NDEL1: variants seen among roughly 807,000 people sequenced by gnomAD.
NDEL1 encodes nuclear distribution protein nudE-like 1.
NDEL1 carries 9 observed loss-of-function variants against 45.7 expected under a neutral mutation model. The ratio of observed to expected loss-of-function variants is 0.20; its 90% confidence interval spans 0.12 to 0.34. The LOEUF is 0.34. Among genes scored for constraint, NDEL1 ranks in the 10% least tolerant of loss-of-function variants. NDEL1 has a pLI of 1.00. For synonymous variants in NDEL1, 133 were observed against 158.6 expected (o/e 0.84, Z 1.21); for missense variants, 306 against 406.2 (o/e 0.75, Z 2.12).
chr17:8,416,172 A>G (rs1908542485), intron 1 of NDEL1, among the ~76,000 whole-genome samples: 1 of 152,120 alleles, frequency 6.6e-6, no homozygotes, highest in African/African-American at 2.4e-5. Flanking sequence ...TGTACCCATT[A>G]AGCACTGAAT....
chr17:8,460,981 C>T (rs1320848848), intron 8 of NDEL1, among the ~76,000 whole-genome samples: 2 of 151,930 alleles, frequency 1.3e-5, no homozygotes, highest in East Asian at 3.9e-4. Context: ...TATGAGTATG[C>T]CTTAATATAG....
Position 8,436,000 on chromosome 17 carries a change from G to A in NDEL1, c.-58G>A. Reference sequence around the variant, plus strand: ...GGCCTGGCCGGGCCGGCGGAGGGGAGACGTCGGTTGAGCGGCGGCGAACAT... The same window carrying A: ...GGCCTGGCCGGGCCGGCGGAGGGGAAACGTCGGTTGAGCGGCGGCGAACAT... On this transcript the variant is annotated 5_prime_UTR_variant, in exon 1 of 9. Transcript: ENST00000334527. The A allele has an allele frequency of 2.2e-6, 1 of 447,958 alleles. No individual in the cohort carries two copies. Among genetic ancestry groups the A allele is most frequent in the Non-Finnish European group, 4.5e-6 (1 of 223,846 alleles). The allele number at this position is 447,958 out of a possible 1,614,324, so 27.7% of individuals were successfully genotyped here.
downstream of NDEL1, among the ~76,000 whole-genome samples, chr17:8,468,788 A>G (rs1207794129): frequency 6.6e-6 from 1 of 152,198 alleles, no homozygotes; most frequent in Non-Finnish European, 1.5e-5. Context: ...GGCGGATCAC[A>G]AGGTCAGGAG....
chr17:8,444,507 G>T (rs1019388166), intron 2 of NDEL1, 150 bp downstream of exon 2: 2 of 595,288 alleles, frequency 3.4e-6, no homozygotes, highest in South Asian at 4.2e-5. Context: ...CACCACATGG[G>T]TTGTATTTAA....
chr17:8,440,581 T>C (rs1014996508), intron 1 of NDEL1, among the ~76,000 whole-genome samples: 1 of 151,828 alleles, frequency 6.6e-6, no homozygotes, highest in South Asian at 2.1e-4. Flanking sequence ...TGACACTGAA[T>C]GTAAGTAGTT....
chr17:8,470,581 C>G (rs1028934027), downstream of NDEL1, among the ~76,000 whole-genome samples: 1 of 152,176 alleles, frequency 6.6e-6, no homozygotes, highest in Non-Finnish European at 1.5e-5. This position sits in a 1 kb window ranked among gnomAD's most constrained non-coding sequence, Gnocchi z 4.2. Context: ...GACCTGAGGA[C>G]AGGACACAGT....
chr17:8,434,115 G>A (rs1463788487), upstream of NDEL1, among the ~76,000 whole-genome samples: 2 of 152,230 alleles, frequency 1.3e-5, no homozygotes, highest in African/African-American at 4.8e-5. Context: ...TAAAAGCACT[G>A]AAATTGGAAA....
At chr17:8,469,040 A>G (rs938159896), downstream of NDEL1, among the ~76,000 whole-genome samples, 2 of 152,188 alleles carry the variant, frequency 1.3e-5, no homozygotes, top group African/African-American at 2.4e-5. Flanking sequence ...AATAAGAACT[A>G]TTAAGTAGGA....
downstream of NDEL1, among the ~76,000 whole-genome samples, chr17:8,469,841 C>G (rs1330344255): frequency 1.3e-5 from 2 of 150,854 alleles, no homozygotes; most frequent in African/African-American, 4.9e-5. Context: ...GCAGCTGGCG[C>G]CCGCCGCCAT....
chr17:8,418,682 ATC>A (rs1274567225), intron 1 of NDEL1, among the ~76,000 whole-genome samples: 73 of 98,036 alleles, frequency 7.4e-4, no homozygotes, highest in African/African-American at 2.3e-3. Flanking sequence ...TCCCTCCTTC[ATC>A]TCTCTCTCTC....
At chr17:8,416,183 C>T (rs796257570) in intron 1 of NDEL1, among the ~76,000 whole-genome samples, 6 of 152,304 alleles carry the variant, frequency 3.9e-5, no homozygotes, top group African/African-American at 1.4e-4. Context: ...AGCACTGAAT[C>T]CCCATTTTCC....
At position 8,414,315 on chromosome 17, in the gene NDEL1, T is replaced by C. The variant is rs114610120; in HGVS notation, c.-13+1046T>C. ...AATAAATCCTTAGATGTTGGATTGC[T>C]AGGTGAAAGGTTGTACATATATTTA... On this transcript the variant is annotated intron_variant, in intron 1 of 4. Coordinates refer to the NDEL1 transcript ENST00000582812. 8.8e-3 allele frequency among the ~76,000 whole-genome samples: 1,338 copies of C among 152,360 alleles called. 17 individuals carry two copies. Among genetic ancestry groups the C allele is most frequent in the African/African-American group, 0.026 (1,101 of 41,588 alleles).
In NDEL1 at chr17:8,460,142, C is replaced by T. The variant is rs770716572; in HGVS notation, c.926C>T (p.Thr309Ile). ...NGTKFSRSGH[T>I]SFFDKGAVNG... ...ACAAAGTTCTCTCGATCAGGGCATACATCTTTCTTCGACAAAGGGTAAGTC... is the reference window on the plus strand; with the variant it reads ...ACAAAGTTCTCTCGATCAGGGCATATATCTTTCTTCGACAAAGGGTAAGTC... Residue 309 changes from threonine (T) to isoleucine (I), a missense_variant, in exon 8 of 9, where the codon ACA becomes ATA. Transcript: ENST00000334527. 1.9e-5 allele frequency: 31 copies of T among 1,612,778 alleles called. No homozygotes were observed. In the South Asian group the frequency reaches 3.3e-4, roughly 17 times the overall value.
intron 7 of NDEL1, among the ~76,000 whole-genome samples, chr17:8,457,274 G>A (rs1051052671): frequency 3.3e-5 from 5 of 152,026 alleles, no homozygotes; most frequent in South Asian, 2.1e-4. Flanking sequence ...CATTGTTGTC[G>A]CCCTCGAATT....
chr17:8,470,919 T>C (rs1911818575), downstream of NDEL1, among the ~76,000 whole-genome samples: 1 of 152,188 alleles, frequency 6.6e-6, no homozygotes, highest in Admixed American at 6.5e-5. The surrounding 1 kb of genome is among the most constrained non-coding windows in gnomAD (Gnocchi z 4.2). Flanking sequence ...ATGCCACTAG[T>C]GCGCATCTCC....
intron 8 of NDEL1, chr17:8,461,424 T>G (rs1182283732): frequency 6.6e-6 from 1 of 152,220 alleles, no homozygotes; most frequent in Non-Finnish European, 1.5e-5. Context: ...ATAATTTTTG[T>G]TTTCTTTTGA....
upstream of NDEL1, chr17:8,431,891 T>G (rs1219723506): frequency 6.6e-6 from 1 of 151,478 alleles, no homozygotes; most frequent in African/African-American, 2.4e-5. Context: ...TTTTTTTTTT[T>G]GAAACAGGCT....
chr17:8,472,811 C>T (rs778865623), downstream of NDEL1, among the ~76,000 whole-genome samples: 1 of 152,190 alleles, frequency 6.6e-6, no homozygotes, highest in African/African-American at 2.4e-5. Flanking sequence ...AAACGAAGCC[C>T]CGGCACTGCC....
Position 8,467,077 on chromosome 17 carries a change from C to A in NDEL1, c.*54C>A. On this transcript the variant is annotated 3_prime_UTR_variant, in exon 9 of 9. Transcript: ENST00000334527. The surrounding 1 kb of genome is among the most constrained non-coding windows in gnomAD (Gnocchi z 6.3). ...CCCTCCTCCAACAACCCAGGACACC[C>A]ACGCCTCACCCCTCGGTGCCTGGGC... The A allele has an allele frequency of 1.3e-6, 2 of 1,561,570 alleles. No homozygotes were observed. The highest frequency in any genetic ancestry group is 1.8e-6 in the Non-Finnish European group (2 of 1,135,082).
Sources: gnomAD v4.1 joint callset for allele counts (sites outside exome capture counted in the v4.1 genomes callset) on GRCh38, gnomAD v4.1.1 for gene constraint, Gnocchi (gnomAD v3.1) non-coding constraint, MANE v1.5 for transcripts, NCBI Gene and HGNC (gene_info 2026-07-23, HGNC 2026-07-21) for gene names.